Variants in CCDC57 observed in about 807,000 individuals in gnomAD.
CCDC57 encodes the protein coiled-coil domain containing 57.
CCDC57 carries 118 observed loss-of-function variants against 118.9 expected under a neutral mutation model. The observed-to-expected ratio is 0.99, with a 90% CI of 0.86 to 1.16. The LOEUF (loss-of-function observed/expected upper bound fraction) is 1.16, where lower values mean the gene tolerates loss of function less well. CCDC57 is among the 50% of genes most tolerant of loss of function. The probability of loss-of-function intolerance (pLI) is 0.00; values close to 1 mark genes in which losing one functional copy is unlikely to be tolerated. For missense variants in CCDC57, 1,300 were observed against 1,320.7 expected, an observed-to-expected ratio of 0.98 and a Z score of 0.24; for synonymous variants, 527 against 532.9, an observed-to-expected ratio of 0.99 and a Z score of 0.15.
chr17:82,190,289 A>T (rs1044464880), intron 7 of CCDC57, among the ~76,000 whole-genome samples: 10 of 152,208 alleles, frequency 6.6e-5, no homozygotes, highest in Admixed American at 5.9e-4. Flanking sequence ...GTAATACTGT[A>T]AACCTTCAAT....
intron 1 of CCDC57, among the ~76,000 whole-genome samples, chr17:82,209,813 ATATAC>A (rs1183619069): frequency 6.6e-6 from 1 of 152,118 alleles, no homozygotes; most frequent in Non-Finnish European, 1.5e-5. Flanking sequence ...AGAGACACAG[ATATAC>A]TGAAATAGAT....
At chr17:82,114,786 T>C (rs888815045) in intron 19 of CCDC57, among the ~76,000 whole-genome samples, 3 of 152,224 alleles carry the variant, frequency 2.0e-5, no homozygotes, top group African/African-American at 7.2e-5. Context: ...GGGCCACCTG[T>C]GGGGCAGGAG....
intron 15 of CCDC57, among the ~76,000 whole-genome samples, chr17:82,152,841 C>T (rs1302212704): frequency 1.3e-5 from 2 of 152,200 alleles, no homozygotes; most frequent in Admixed American, 6.5e-5. Flanking sequence ...GCCTGGGGTG[C>T]AGCCACTGTA....
intron 7 of CCDC57, among the ~76,000 whole-genome samples, chr17:82,191,685 A>C (rs1314775375): frequency 2.0e-5 from 3 of 151,922 alleles, no homozygotes; most frequent in Non-Finnish European, 4.4e-5. Flanking sequence ...ATTTTTTTTT[A>C]AGACAGGGTC....
Position 82,201,740 on chromosome 17 carries a change from G to T in CCDC57, c.205C>A (p.Leu69Ile), listed in dbSNP as rs765976329. Reference sequence around the variant, plus strand: ...GCGGCGTCATAGCGCTCCAGCTCGAGGTCCCGCTCCTCCAGCACCTGAAGG... The same window carrying T: ...GCGGCGTCATAGCGCTCCAGCTCGATGTCCCGCTCCTCCAGCACCTGAAGG... The change falls in exon 3 of 20, where the codon CTC becomes ATC. Residue 69 changes from leucine (L) to isoleucine (I), a missense_variant. Leu to Ile is a conservative substitution (Grantham distance 5, BLOSUM62 2). Coordinates refer to ENST00000665763, the Ensembl canonical transcript of CCDC57. 1.2e-6 allele frequency: 2 copies of T among 1,613,858 alleles called. No homozygotes were observed. The highest frequency in any genetic ancestry group is 3.3e-5 in the Admixed American group (2 of 60,016).
chr17:82,146,560 AGGTGGGGAGGAC>A (rs1327332036), intron 16 of CCDC57, among the ~76,000 whole-genome samples: 1 of 152,170 alleles, frequency 6.6e-6, no homozygotes, highest in Non-Finnish European at 1.5e-5. Flanking sequence ...CTCAATGTTT[AGGTGGGGAGGAC>A]GGCCTTCCCA....
chr17:82,108,719 C>G (rs2035036711), intron 19 of CCDC57: 1 of 152,152 alleles, frequency 6.6e-6, no homozygotes, highest in African/African-American at 2.4e-5. Context: ...GCGTGACCAG[C>G]TGGGCTAATT....
intron 9 of CCDC57, among the ~76,000 whole-genome samples, chr17:82,183,433 C>G (rs1356846765): frequency 6.6e-6 from 1 of 152,122 alleles, no homozygotes; most frequent in Non-Finnish European, 1.5e-5. Flanking sequence ...AATCCTCCTG[C>G]TTCTGCCTCC....
chr17:82,138,386 G>A (rs373072107), intron 16 of CCDC57, among the ~76,000 whole-genome samples: 275 of 151,792 alleles, frequency 1.8e-3, no homozygotes, highest in African/African-American at 6.4e-3. Flanking sequence ...CTGACCTCGT[G>A]ATCTACCTGC....
chr17:82,152,232 C>G (rs2042147035), intron 15 of CCDC57: 1 of 182,044 alleles, frequency 5.5e-6, no homozygotes, highest in South Asian at 1.1e-4. Flanking sequence ...GCTGTGGCCT[C>G]TAGCAGTGCC....
chr17:82,113,490 T>C (rs1235124984), intron 19 of CCDC57: 1 of 717,582 alleles, frequency 1.4e-6, no homozygotes, highest in Non-Finnish European at 2.6e-6. Context: ...CTGATCCCAC[T>C]GCAAGGCTGC....
rs1341890676 is a variant in CCDC57, at chr17:82,128,605, G to A, written c.2578-8C>T. On this transcript the variant is annotated splice_polypyrimidine_tract_variant and splice_region_variant and intron_variant, in intron 17 of 19. Transcript: ENST00000665763. ...CTCGGCACTCTTGGCGTCCTGCCGT[G>A]GGGATTTAAATGAGAGGACTCTGGT... 1.3e-6 allele frequency: 2 copies of A among 1,554,368 alleles called. No individual in the cohort carries two copies. Among genetic ancestry groups the A allele is most frequent in the East Asian group, 4.8e-5 (2 of 41,496 alleles).
chr17:82,201,808 G>A (rs371078826), exon 3 of CCDC57: 9 of 1,613,486 alleles, frequency 5.6e-6, no homozygotes, highest in South Asian at 2.2e-5. Context: ...TTTCCCCTGC[G>A]CCTCCTCCAG....
intron 2 of CCDC57, among the ~76,000 whole-genome samples, chr17:82,202,608 T>C (rs942316575): frequency 1.3e-5 from 2 of 149,428 alleles, no homozygotes; most frequent in African/African-American, 5.0e-5. Flanking sequence ...AAATTAGCCA[T>C]GCATGGTGGC....
At chr17:82,102,004 C>A in intron 19 of CCDC57, 138 bp from the exon 19 acceptor site, 1 of 836,028 alleles carries the variant, frequency 1.2e-6, no homozygotes. Context: ...CCTGGCTTTC[C>A]TCCAGGAGTC....
intron 16 of CCDC57, among the ~76,000 whole-genome samples, chr17:82,142,628 A>G (rs1014311473): frequency 6.6e-5 from 10 of 152,160 alleles, no homozygotes; most frequent in Non-Finnish European, 1.3e-4. Context: ...TGAAATTTAT[A>G]AAACATGATG....
intron 17 of CCDC57, among the ~76,000 whole-genome samples, chr17:82,131,589 C>G (rs1168878580): frequency 6.6e-6 from 1 of 151,728 alleles, no homozygotes; most frequent in Non-Finnish European, 1.5e-5. Context: ...AAAAAACAAA[C>G]AAACAAACAA....
intron 14 of CCDC57, among the ~76,000 whole-genome samples, chr17:82,158,192 G>A (rs2042900090): frequency 6.6e-6 from 1 of 152,196 alleles, no homozygotes; most frequent in African/African-American, 2.4e-5. Flanking sequence ...TCCTAGGCTG[G>A]TGGGGAGAAT....
At chr17:82,193,225 C>T (rs11491185) in intron 7 of CCDC57, among the ~76,000 whole-genome samples, 72,430 of 151,912 alleles carry the variant, frequency 0.48, 18,048 homozygotes, top group East Asian at 0.88. Flanking sequence ...TAAACATCAC[C>T]GAGAAAGTCC....
Sources: allele counts gnomAD v4.1 joint callset (sites outside exome capture counted in the v4.1 genomes callset), GRCh38; gene constraint gnomAD v4.1.1; transcripts MANE v1.5; gene names NCBI Gene and HGNC (gene_info 2026-07-23, HGNC 2026-07-21).